Variants in FSTL4 observed in about 807,000 individuals in gnomAD.
The protein encoded by FSTL4 is follistatin like 4, also known as follistatin-related protein 4.
In FSTL4, 28 loss-of-function variants were observed where a neutral mutation model predicts 78.2. That is an observed-to-expected ratio of 0.36 (90% CI 0.27 to 0.49). The LOEUF (loss-of-function observed/expected upper bound fraction) is 0.49. FSTL4 is among the 20% of genes least tolerant of loss of function. The probability of loss-of-function intolerance (pLI) is 0.98; values close to 1 mark genes in which losing one functional copy is unlikely to be tolerated. For missense variants in FSTL4, 922 were observed against 1,084.9 expected, an observed-to-expected ratio of 0.85 and a Z score of 2.11; for synonymous variants, 422 against 440.5, an observed-to-expected ratio of 0.96 and a Z score of 0.53.
At chr5:133,737,603 T>G in the FSTL4 span, among the ~76,000 whole-genome samples, 6 of 53,872 alleles carry the variant, frequency 1.1e-4, no homozygotes, top group Non-Finnish European at 2.0e-4. Context: ...GCTGATTTCC[T>G]TTTTTTTTTT....
At chr5:133,266,191 G>A (rs900653232) in intron 6 of FSTL4, among the ~76,000 whole-genome samples, 7 of 152,244 alleles carry the variant, frequency 4.6e-5, no homozygotes, top group Admixed American at 3.3e-4. Context: ...GCAGAGCACA[G>A]AGCCCAGGCG....
intron 3 of FSTL4, among the ~76,000 whole-genome samples, chr5:133,454,292 G>A (rs182866029): frequency 1.2e-3 from 190 of 152,328 alleles, no homozygotes; most frequent in African/African-American, 4.4e-3. Context: ...ATATCAGTTT[G>A]GTGAAAATCT....
intron 1 of FSTL4, among the ~76,000 whole-genome samples, chr5:133,604,787 A>G (rs1456312270): frequency 6.6e-6 from 1 of 152,208 alleles, no homozygotes; most frequent in Non-Finnish European, 1.5e-5. Context: ...TTTATAAGAC[A>G]GTGAGCTTCA....
At chr5:133,290,538 G>C (rs1035931407) in intron 6 of FSTL4, among the ~76,000 whole-genome samples, 6 of 152,242 alleles carry the variant, frequency 3.9e-5, no homozygotes, top group Non-Finnish European at 8.8e-5. Flanking sequence ...GGGGCCCCAG[G>C]GAGTTGTACT....
At chr5:133,239,180 CG>C (rs904494906) in intron 7 of FSTL4, among the ~76,000 whole-genome samples, 4 of 152,274 alleles carry the variant, frequency 2.6e-5, no homozygotes, top group Admixed American at 1.3e-4. Context: ...TGCCTCCCTG[CG>C]GGGCAAGGCT....
chr5:133,724,929 T>C, the FSTL4 span, among the ~76,000 whole-genome samples: 2 of 152,242 alleles, frequency 1.3e-5, no homozygotes, highest in African/African-American at 4.8e-5. Context: ...ATTATTTTCC[T>C]TATGAGCATT....
the FSTL4 span, among the ~76,000 whole-genome samples, chr5:133,834,932 A>AT: frequency 6.6e-6 from 1 of 152,054 alleles, no homozygotes. Flanking sequence ...TTATGAGTGA[A>AT]TTTTTTCCTT....
chr5:133,212,747 T>G (rs1172396067), intron 13 of FSTL4, among the ~76,000 whole-genome samples: 2 of 151,968 alleles, frequency 1.3e-5, no homozygotes, highest in African/African-American at 4.8e-5. Flanking sequence ...TTGAAAGATA[T>G]CAGTATACAT....
At chr5:133,766,767 G>C in the FSTL4 span, among the ~76,000 whole-genome samples, 30 of 152,316 alleles carry the variant, frequency 2.0e-4, no homozygotes, top group African/African-American at 7.2e-4. Context: ...AACATAAAAA[G>C]GCCTCATTCC....
chr5:133,547,545 A>G (rs761081639), intron 3 of FSTL4, among the ~76,000 whole-genome samples: 17 of 152,214 alleles, frequency 1.1e-4, no homozygotes, highest in Non-Finnish European at 1.9e-4. Context: ...GGGGGCTTTA[A>G]GAGGTGATTG....
At chr5:133,570,122 T>C (rs190981986) in intron 2 of FSTL4, among the ~76,000 whole-genome samples, 1 of 150,800 alleles carries the variant, frequency 6.6e-6, no homozygotes, top group Non-Finnish European at 1.5e-5. Flanking sequence ...GGCTGGAGAA[T>C]GGACTGAACC....
chr5:133,540,591 C>T (rs1444562011), intron 3 of FSTL4, among the ~76,000 whole-genome samples: 1 of 151,922 alleles, frequency 6.6e-6, no homozygotes, highest in Non-Finnish European at 1.5e-5. Flanking sequence ...CTTAATTTGA[C>T]AACTTTTCAC....
the FSTL4 span, among the ~76,000 whole-genome samples, chr5:133,624,801 A>C: frequency 1.3e-5 from 2 of 151,490 alleles, no homozygotes; most frequent in African/African-American, 4.8e-5. Context: ...TTTCTGTATA[A>C]ATTTTATAAT....
At chr5:133,493,531 A>T (rs192136715) in intron 3 of FSTL4, among the ~76,000 whole-genome samples, 18 of 152,344 alleles carry the variant, frequency 1.2e-4, no homozygotes, top group Non-Finnish European at 1.5e-4. Context: ...CAGAGAGGGC[A>T]GTCCTCCCAG....
chr5:133,330,380 G>A (rs771047860), intron 4 of FSTL4, among the ~76,000 whole-genome samples: 2 of 152,206 alleles, frequency 1.3e-5, no homozygotes, highest in Non-Finnish European at 2.9e-5. Context: ...TTTTACTCAT[G>A]AAAGAAGGTG....
At chr5:133,833,745 T>C in the FSTL4 span, among the ~76,000 whole-genome samples, 3 of 152,364 alleles carry the variant, frequency 2.0e-5, no homozygotes, top group Middle Eastern at 6.8e-3. Context: ...ACTTCAAGTA[T>C]GTCCCTTGTC....
the FSTL4 span, among the ~76,000 whole-genome samples, chr5:133,632,282 T>A: frequency 2.0e-4 from 30 of 152,288 alleles, no homozygotes; most frequent in African/African-American, 7.2e-4. Flanking sequence ...GTCTTAAATA[T>A]TTTCTCTACA....
intron 3 of FSTL4, among the ~76,000 whole-genome samples, chr5:133,516,232 A>C (rs2112892957): frequency 6.6e-6 from 1 of 152,318 alleles, no homozygotes; most frequent in Middle Eastern, 3.4e-3. Flanking sequence ...TTAGACAAGA[A>C]TACAAGATAA....
chr5:133,312,795 G>T lies in FSTL4; in HGVS notation c.604-18C>A. The T allele has an allele frequency of 6.2e-7, 1 of 1,613,678 alleles. No homozygotes were observed. The highest frequency in any genetic ancestry group is 1.1e-5 in the South Asian group (1 of 90,994). ...AGCACATGCTGTGGGGTGAGGAGGA[G>T]AACAAGGCCAGAATCAGATGAGTTT... On this transcript the variant is annotated intron_variant, in intron 5 of 15. Coordinates refer to ENST00000265342, the MANE Select transcript of FSTL4 (RefSeq NM_015082.2).
Sources: gnomAD v4.1 joint callset for allele counts (sites outside exome capture counted in the v4.1 genomes callset) on GRCh38, gnomAD v4.1.1 for gene constraint, MANE v1.5 for transcripts, NCBI Gene and HGNC (gene_info 2026-07-23, HGNC 2026-07-21) for gene names.